Variants in YIPF4 observed in about 807,000 individuals in gnomAD.
The protein encoded by YIPF4 is Yip1 domain family member 4, also known as protein YIPF4.
Under a neutral mutation model 29.4 loss-of-function variants are expected in YIPF4, and 18 were observed. That is an observed-to-expected ratio of 0.61 (90% CI 0.42 to 0.91). The LOEUF is 0.91. Among genes scored for constraint, YIPF4 ranks in the 40% least tolerant of loss-of-function variants. The pLI is 0.00. For missense variants in YIPF4, 279 were observed against 282.7 expected, an observed-to-expected ratio of 0.99 and a Z score of 0.09; for synonymous variants, 115 against 104.7, an observed-to-expected ratio of 1.10 and a Z score of -0.60.
intron 2 of YIPF4, among the ~76,000 whole-genome samples, chr2:32,291,505 C>T (rs2030912630): frequency 6.6e-6 from 1 of 152,168 alleles, no homozygotes; most frequent in Non-Finnish European, 1.5e-5. Flanking sequence ...AATTGCCCCA[C>T]CGCACTCCAG....
chr2:32,300,023 T>C (rs551973577), intron 4 of YIPF4, among the ~76,000 whole-genome samples: 4 of 152,228 alleles, frequency 2.6e-5, no homozygotes, highest in South Asian at 2.1e-4. Flanking sequence ...TCCCAGCACT[T>C]TGGGAGGCCG....
chr2:32,294,628 G>A (rs563146253), intron 3 of YIPF4, among the ~76,000 whole-genome samples: 42 of 151,378 alleles, frequency 2.8e-4, no homozygotes, highest in South Asian at 1.3e-3. Context: ...GACGATGGGC[G>A]GCCAGGCAGA....
At chr2:32,294,805 C>T (rs980860304) in intron 3 of YIPF4, among the ~76,000 whole-genome samples, 3 of 152,264 alleles carry the variant, frequency 2.0e-5, no homozygotes, top group African/African-American at 4.8e-5. Context: ...CAGACACCGT[C>T]TGCAATCCCG....
intron 3 of YIPF4, among the ~76,000 whole-genome samples, chr2:32,296,364 C>T (rs1282326477): frequency 1.3e-5 from 2 of 151,384 alleles, no homozygotes. Flanking sequence ...CCCAGCTACT[C>T]AGGAGGCTGA....
intron 1 of YIPF4, among the ~76,000 whole-genome samples, chr2:32,289,035 C>A (rs2030803690): frequency 6.6e-6 from 1 of 152,136 alleles, no homozygotes; most frequent in African/African-American, 2.4e-5. Flanking sequence ...TCTCTCATTT[C>A]AACTTAGACA....
Position 32,290,464 on chromosome 2 carries a change from T to C in YIPF4, c.80-19T>C, listed in dbSNP as rs754801739. 2 of 1,464,382 alleles carry C rather than the reference T, an allele frequency of 1.4e-6. No individual in the cohort carries two copies. Among genetic ancestry groups the C allele is most frequent in the Non-Finnish European group, 1.8e-6 (2 of 1,105,354 alleles). The allele number at this position is 1,464,382 out of a possible 1,614,324, so 90.7% of individuals were successfully genotyped here. ...TGTTGTGCCTTAGTTTATATAGTTT[T>C]ATCCTCTTTTCTCCTAAGATCTCAG... is the stretch of plus-strand genomic sequence containing the variant. On this transcript the variant is annotated intron_variant, in intron 1 of 5. Coordinates refer to ENST00000238831, the MANE Select transcript of YIPF4 (RefSeq NM_032312.4).
chr2:32,312,230 T>G lies in YIPF4; in HGVS notation c.*6604T>G, dbSNP rs1008130129. On this transcript the variant is annotated 3_prime_UTR_variant, in exon 6 of 6. Coordinates refer to ENST00000238831, the MANE Select transcript of YIPF4 (RefSeq NM_032312.4). ...TCGGCCAGGCGCGGTGGCTCACGCCTGTAATCCCAGCACTTTGGGAGGCCG... is the reference window on the plus strand; with the variant it reads ...TCGGCCAGGCGCGGTGGCTCACGCCGGTAATCCCAGCACTTTGGGAGGCCG... 3 of 152,000 alleles carry G rather than the reference T, an allele frequency of 2.0e-5. No homozygotes were observed. The highest frequency in any genetic ancestry group is 7.2e-5 in the African/African-American group (3 of 41,394). The allele number at this position is 152,000 out of a possible 1,614,324, so 9.4% of individuals were successfully genotyped here.
intron 5 of YIPF4, 121 bp downstream of exon 5, chr2:32,301,616 A>T (rs2031408050): frequency 3.3e-6 from 2 of 608,704 alleles, no homozygotes; most frequent in Non-Finnish European, 5.5e-6. Flanking sequence ...GTATTTTGGA[A>T]GTGACCTTCC....
In YIPF4 at chr2:32,315,395, G is replaced by A. The variant is rs1252202299; in HGVS notation, c.*9769G>A. On this transcript the variant is annotated 3_prime_UTR_variant, in exon 6 of 6. Coordinates refer to ENST00000238831, the MANE Select transcript of YIPF4 (RefSeq NM_032312.4). ...AGTGAAGTCAGGGATCTGTTAGGAA[G>A]AATGGATGCTAGGTAGGTAAATGGC... 1 of 152,240 alleles carries A rather than the reference G, an allele frequency of 6.6e-6. No homozygotes were observed. Among genetic ancestry groups the A allele is most frequent in the Non-Finnish European group, 1.5e-5 (1 of 68,072 alleles). The allele number at this position is 152,240 out of a possible 1,614,324, so 9.4% of individuals were successfully genotyped here.
intron 1 of YIPF4, among the ~76,000 whole-genome samples, chr2:32,281,491 C>T (rs996337507): frequency 6.6e-6 from 1 of 152,162 alleles, no homozygotes; most frequent in African/African-American, 2.4e-5. Context: ...ATCCACCCAC[C>T]TTGGCCTCCC....
chr2:32,303,810 CTTAGT>C (rs1356494615), intron 5 of YIPF4, among the ~76,000 whole-genome samples: 2 of 152,168 alleles, frequency 1.3e-5, no homozygotes, highest in Non-Finnish European at 2.9e-5. Context: ...ATTATTAGAA[CTTAGT>C]TTAAAGTCTT....
chr2:32,280,590 G>A (rs970855725), intron 1 of YIPF4, among the ~76,000 whole-genome samples: 8 of 151,980 alleles, frequency 5.3e-5, no homozygotes, highest in Non-Finnish European at 7.4e-5. Flanking sequence ...CACTGTGTTA[G>A]CCAGGATGGT....
chr2:32,281,593 T>C (rs562922042), intron 1 of YIPF4, among the ~76,000 whole-genome samples: 56 of 152,196 alleles, frequency 3.7e-4, no homozygotes, highest in African/African-American at 1.3e-3. Context: ...CTGTATTCTA[T>C]AAAGAAACTG....
intron 1 of YIPF4, among the ~76,000 whole-genome samples, chr2:32,281,432 G>C (rs2030409601): frequency 6.6e-6 from 1 of 152,012 alleles, no homozygotes; most frequent in South Asian, 2.1e-4. Flanking sequence ...TGTAGAGACA[G>C]GGTTTCGCCA....
rs746335060 is a variant in YIPF4 at position 32,292,277 on chromosome 2, A to T, written c.334A>T (p.Asn112Tyr). ...TTTTAATAGACAAGTGGTGAGAGAC[A>T]ATCCTGACTTTTGGGGTCCTCTGGC... ...LGFNRQVVRD[N>Y]PDFWGPLAVV... The change falls in exon 3 of 6, where the codon AAT (asparagine) becomes TAT (tyrosine). Residue 112 changes from asparagine to tyrosine, a missense_variant. Coordinates refer to ENST00000238831, the MANE Select transcript of YIPF4 (RefSeq NM_032312.4). The T allele has an allele frequency of 1.9e-6, 3 of 1,605,974 alleles. No individual in the cohort carries two copies. Among genetic ancestry groups the T allele is most frequent in the Non-Finnish European group, 1.7e-6 (2 of 1,175,368 alleles).
At chr2:32,284,435 TG>T (rs576917261) in intron 1 of YIPF4, among the ~76,000 whole-genome samples, 5 of 152,138 alleles carry the variant, frequency 3.3e-5, no homozygotes, top group Admixed American at 2.6e-4. Context: ...GACTGGATCA[TG>T]GGGGTGGACT....
chr2:32,312,276 C>T lies in YIPF4; in HGVS notation c.*6650C>T, dbSNP rs1270988884. On this transcript the variant is annotated 3_prime_UTR_variant, in exon 6 of 6. Transcript: ENST00000238831. Reference sequence around the variant, plus strand: ...GGCCGAGGTGGGCGGACCACGAGGTCAGGAGATCGAGACCATCCTGGCTAA... The same window carrying T: ...GGCCGAGGTGGGCGGACCACGAGGTTAGGAGATCGAGACCATCCTGGCTAA... 6.6e-6 allele frequency: 1 copy of T among 151,508 alleles called. No individual in the cohort carries two copies. Among genetic ancestry groups the T allele is most frequent in the South Asian group, 2.1e-4 (1 of 4,802 alleles). 9.4% of individuals were successfully genotyped at this position (151,508 alleles called of 1,614,324 possible).
chr2:32,280,320 C>T (rs890401037), intron 1 of YIPF4, among the ~76,000 whole-genome samples: 4 of 150,462 alleles, frequency 2.7e-5, no homozygotes, highest in South Asian at 2.1e-4. Context: ...TTAGTAGAGA[C>T]GGGGTTTCAC....
At chr2:32,297,672 AAAT>A in intron 3 of YIPF4, among the ~76,000 whole-genome samples, 1 of 152,032 alleles carries the variant, frequency 6.6e-6, no homozygotes, top group Non-Finnish European at 1.5e-5. Flanking sequence ...TACATAAATA[AAAT>A]AATAAATAAT....
Sources: allele counts gnomAD v4.1 joint callset (sites outside exome capture counted in the v4.1 genomes callset), GRCh38; gene constraint gnomAD v4.1.1; transcripts MANE v1.5; gene names NCBI Gene and HGNC (gene_info 2026-07-23, HGNC 2026-07-21).